Variants in RPTOR observed in about 807,000 individuals in gnomAD.
RPTOR encodes the protein regulatory-associated protein of mTOR.
A neutral mutation model predicts 169.9 loss-of-function variants in RPTOR; 21 were observed. The observed-to-expected ratio is 0.12, with a 90% CI of 0.09 to 0.18. The LOEUF (loss-of-function observed/expected upper bound fraction) is 0.18. Ranked by LOEUF, RPTOR falls within the 10% of genes least tolerant of loss-of-function variation. The probability of loss-of-function intolerance (pLI) is 1.00; values close to 1 mark genes in which losing one functional copy is unlikely to be tolerated. For synonymous variants in RPTOR, 732 were observed against 753.2 expected (o/e 0.97, Z 0.46); for missense variants, 1,133 against 1,855.9 (o/e 0.61, Z 7.16).
chr17:80,955,974 GT>G, intron 28 of RPTOR, among the ~76,000 whole-genome samples: 1 of 152,248 alleles, frequency 6.6e-6, no homozygotes. Flanking sequence ...AACCAGAGCT[GT>G]GTGTCTTGGG....
rs376089830 is a variant in RPTOR at position 80,788,537 on chromosome 17, G to A, written c.831-2913G>A. 1.9e-3 allele frequency among the ~76,000 whole-genome samples: 286 copies of A among 152,102 alleles called. 3 individuals carry two copies. The highest frequency in any genetic ancestry group is 6.4e-3 in the African/African-American group (265 of 41,496). ...TTAATCTGATAAAAATAAAAACACC[G>A]CTCCACTGTCTTCCTGCATCCTGTG... On this transcript the variant is annotated intron_variant, in intron 6 of 33. Coordinates refer to ENST00000306801, the MANE Select transcript of RPTOR (RefSeq NM_020761.3).
intron 9 of RPTOR, among the ~76,000 whole-genome samples, chr17:80,834,619 A>G (rs952479727): frequency 2.0e-5 from 3 of 152,196 alleles, no homozygotes; most frequent in Admixed American, 6.5e-5. Flanking sequence ...CTGCAGCAAC[A>G]TGGGTCACGT....
rs190374781 is a variant in RPTOR at position 80,624,926 on chromosome 17, C to T, written c.163-765C>T. ...GAGGAAAGGACAGGTGTGATCGCAG[C>T]GTTCCCCAGCTGGCTCCACCCCGAT... On this transcript the variant is annotated intron_variant, in intron 1 of 33. Coordinates refer to ENST00000306801, the MANE Select transcript of RPTOR (RefSeq NM_020761.3). 1.1e-3 allele frequency among the ~76,000 whole-genome samples: 165 copies of T among 152,282 alleles called. 1 individual carries two copies. The highest frequency in any genetic ancestry group is 3.4e-3 in the Middle Eastern group (1 of 294).
At chr17:80,571,876 G>A (rs992033160) in intron 1 of RPTOR, among the ~76,000 whole-genome samples, 2 of 152,146 alleles carry the variant, frequency 1.3e-5, no homozygotes, top group Non-Finnish European at 2.9e-5. Context: ...TTGTACTTGC[G>A]TTTTCGTGTG....
intron 3 of RPTOR, among the ~76,000 whole-genome samples, chr17:80,650,951 C>T (rs996592045): frequency 6.6e-6 from 1 of 152,192 alleles, no homozygotes; most frequent in Non-Finnish European, 1.5e-5. Flanking sequence ...CTTAACAGGC[C>T]TCTCGAGGAT....
intron 1 of RPTOR, among the ~76,000 whole-genome samples, chr17:80,620,014 A>G (rs1392766346): frequency 6.6e-6 from 1 of 152,174 alleles, no homozygotes; most frequent in African/African-American, 2.4e-5. Context: ...TGCCTCCAGG[A>G]TGGCTGGGAA....
intron 20 of RPTOR, among the ~76,000 whole-genome samples, chr17:80,894,354 G>A (rs570289357): frequency 3.3e-5 from 5 of 152,322 alleles, no homozygotes; most frequent in South Asian, 2.1e-4. Flanking sequence ...AGTGAGAGGC[G>A]GAGGGCCCTG....
At chr17:80,868,216 A>T (rs763281505) in intron 13 of RPTOR, among the ~76,000 whole-genome samples, 19 of 152,230 alleles carry the variant, frequency 1.2e-4, no homozygotes, top group Non-Finnish European at 1.8e-4. Context: ...GTATAGAAAG[A>T]ACTCTCAAAA....
chr17:80,891,878 T>G, intron 18 of RPTOR, 41 bp downstream of exon 18: 3 of 1,455,966 alleles, frequency 2.1e-6, no homozygotes, highest in Non-Finnish European at 2.9e-6. Flanking sequence ...GCACCTCGCC[T>G]GGCGGTTCTA....
intron 3 of RPTOR, among the ~76,000 whole-genome samples, chr17:80,705,194 C>G (rs2066133434): frequency 6.6e-6 from 1 of 152,276 alleles, no homozygotes; most frequent in Non-Finnish European, 1.5e-5. Context: ...TGAAAATGGA[C>G]TTGAAGATCC....
At chr17:80,626,025 T>C (rs2065391464) in intron 2 of RPTOR, among the ~76,000 whole-genome samples, 1 of 152,196 alleles carries the variant, frequency 6.6e-6, no homozygotes, top group Admixed American at 6.5e-5. Flanking sequence ...ATTATTGGCT[T>C]ATATAATTTT....
intron 1 of RPTOR, among the ~76,000 whole-genome samples, chr17:80,552,417 C>T (rs918392006): frequency 9.9e-5 from 15 of 152,176 alleles, no homozygotes; most frequent in African/African-American, 3.1e-4. Context: ...AGAGGCCCAC[C>T]ATCACCCCAT....
At chr17:80,549,723 G>A (rs961320135) in intron 1 of RPTOR, among the ~76,000 whole-genome samples, 1 of 152,236 alleles carries the variant, frequency 6.6e-6, no homozygotes, top group Non-Finnish European at 1.5e-5. Flanking sequence ...GGGATGGAAT[G>A]ACGGGTGCTT....
rs375864642 is a variant in RPTOR at position 80,846,490 on chromosome 17, C to T, written c.1230C>T (p.Ala410=). The T allele has an allele frequency of 2.6e-4, 424 of 1,614,140 alleles. 6 individuals are homozygous for T. In the South Asian group the frequency reaches 3.3e-3, roughly 13 times the overall value. ...CCCCGCAGCACAGCCCGTTCTTCGC[C>T]GAGCAGCTGACCGCATTCCAGGTGT... ...GTAFRHSPFF[A]EQLTAFQVWL... Residue 410 remains alanine (A), a synonymous_variant, in exon 11 of 34, where the codon GCC becomes GCT. Coordinates refer to ENST00000306801, the MANE Select transcript of RPTOR (RefSeq NM_020761.3).
intron 3 of RPTOR, among the ~76,000 whole-genome samples, chr17:80,684,498 G>A (rs1432773349): frequency 6.6e-6 from 1 of 151,520 alleles, no homozygotes; most frequent in Non-Finnish European, 1.5e-5. Context: ...GGCTGGAGTT[G>A]CAGTGGTGTG....
At chr17:80,945,347 C>G (rs978910052) in intron 25 of RPTOR, among the ~76,000 whole-genome samples, 4 of 152,108 alleles carry the variant, frequency 2.6e-5, no homozygotes, top group Admixed American at 6.6e-5. Flanking sequence ...AATCCCAGCA[C>G]TTTGGGAGGC....
chr17:80,775,018 G>A (rs577229983), intron 6 of RPTOR, among the ~76,000 whole-genome samples: 18 of 152,264 alleles, frequency 1.2e-4, no homozygotes, highest in African/African-American at 3.1e-4. Flanking sequence ...GTGTCTGTCC[G>A]TCCTCCACTG....
In RPTOR at chr17:80,925,375, G is replaced by A. The variant is rs772382242; in HGVS notation, c.2814G>A (p.Ala938=). 9 of 1,613,388 alleles carry A rather than the reference G, an allele frequency of 5.6e-6. No individual in the cohort carries two copies. Among genetic ancestry groups the A allele is most frequent in the South Asian group, 3.3e-5 (3 of 91,072 alleles). Residue 938 remains alanine (A), a synonymous_variant, in exon 24 of 34, where the codon GCG becomes GCA. Coordinates refer to ENST00000306801, the MANE Select transcript of RPTOR (RefSeq NM_020761.3). ...KMFDKGPEQT[A]DDADDAAGHK... is the part of the protein sequence containing the mutation. ...CTCCTGCTTAAACCCTGAAGACTGCGGACGACGCGGACGATGCTGCTGGAC... is the reference window on the plus strand; with the variant it reads ...CTCCTGCTTAAACCCTGAAGACTGCAGACGACGCGGACGATGCTGCTGGAC...
At chr17:80,668,173 TGGGCC>T (rs2065795009) in intron 3 of RPTOR, among the ~76,000 whole-genome samples, 1 of 152,140 alleles carries the variant, frequency 6.6e-6, no homozygotes, top group Admixed American at 6.5e-5. Context: ...AGAGGCAGGT[TGGGCC>T]TCCACTAGAC....
Sources: allele counts gnomAD v4.1 joint callset (sites outside exome capture counted in the v4.1 genomes callset), GRCh38; gene constraint gnomAD v4.1.1; transcripts MANE v1.5; gene names NCBI Gene and HGNC (gene_info 2026-07-23, HGNC 2026-07-21).